Variants in DPYSL4 observed in about 807,000 individuals in gnomAD.
The protein encoded by DPYSL4 is dihydropyrimidinase like 4.
DPYSL4 carries 43 observed loss-of-function variants against 63.4 expected under a neutral mutation model. The ratio of observed to expected loss-of-function variants is 0.68; its 90% CI spans 0.53 to 0.88. The LOEUF (loss-of-function observed/expected upper bound fraction) is 0.88. Ranked by LOEUF, DPYSL4 falls within the 40% of genes least tolerant of loss-of-function variation. The pLI is 0.00. For missense variants in DPYSL4, 733 were observed against 819.5 expected, an observed-to-expected ratio of 0.89 and a Z score of 1.29; for synonymous variants, 353 against 331.7, an observed-to-expected ratio of 1.06 and a Z score of -0.70.
chr10:132,196,184 G>A (rs1245555488), intron 4 of DPYSL4, among the ~76,000 whole-genome samples: 1 of 152,246 alleles, frequency 6.6e-6, no homozygotes, highest in African/African-American at 2.4e-5. Context: ...AGTGATGGGA[G>A]GTTGGGATCC....
chr10:132,197,437 A>G (rs2061960549), intron 6 of DPYSL4, among the ~76,000 whole-genome samples: 2 of 152,158 alleles, frequency 1.3e-5, no homozygotes, highest in Admixed American at 1.3e-4. Flanking sequence ...TTGGGTTACC[A>G]CCTTCCTTCC....
At position 132,191,516 on chromosome 10, in the gene DPYSL4, A is replaced by G. The variant is rs56851238; in HGVS notation, c.128+681A>G. On this transcript the variant is annotated intron_variant, in intron 2 of 13. Transcript: ENST00000338492. ...TCATGTGGTATCCAGGCAGATGAAC[A>G]TAGTTCCCAGCTCGTGTGTACACGC... Among the ~76,000 whole-genome samples the G allele has an allele frequency of 3.0e-4, 23 of 77,526 alleles. 1 individual carries two copies. The highest frequency in any genetic ancestry group is 4.2e-4 in the Non-Finnish European group (16 of 37,720). The allele number at this position is 77,526 out of a possible 152,430, so 50.9% of individuals were successfully genotyped here. A position where few individuals can be genotyped will look rare whatever the true frequency, so the allele number is the denominator to read the frequency against.
At chr10:132,198,708 C>A in intron 7 of DPYSL4, 143 bp from the exon 8 acceptor site, 2 of 1,311,276 alleles carry the variant, frequency 1.5e-6, no homozygotes, top group Non-Finnish European at 2.1e-6. Context: ...CAGGCCCAGG[C>A]ACTGAGCCCG....
chr10:132,199,155 T>G (rs1190786741), intron 8 of DPYSL4, among the ~76,000 whole-genome samples, 184 bp downstream of exon 8: 1 of 151,860 alleles, frequency 6.6e-6, no homozygotes, highest in Admixed American at 6.6e-5. Flanking sequence ...TGGACCTGAG[T>G]TTCCAGCCTT....
At position 132,198,985 on chromosome 10, in the gene DPYSL4, C is replaced by T; in HGVS notation, c.811+14C>T. ...CCAAGCGCAGAGGTGAGCACCCAGCCCCGCCTCTGATGCCGAGGGGCCATG... is the reference window on the plus strand; with the variant it reads ...CCAAGCGCAGAGGTGAGCACCCAGCTCCGCCTCTGATGCCGAGGGGCCATG... On this transcript the variant is annotated intron_variant, in intron 8 of 13. Transcript: ENST00000338492. 6.2e-7 allele frequency: 1 copy of T among 1,602,716 alleles called. No individual in the cohort carries two copies.
In DPYSL4 at chr10:132,205,185, C is replaced by T. The variant is rs990241769; in HGVS notation, c.*255C>T. On this transcript the variant is annotated 3_prime_UTR_variant, in exon 14 of 14. Transcript: ENST00000338492. ...TGGAGCCACATGGCAGGGACAATGC[C>T]GGCAGCCTGAGCCCAGGCACCCCAG... The T allele has an allele frequency of 1.5e-5, 5 of 332,570 alleles. No homozygotes were observed. The highest frequency in any genetic ancestry group is 4.9e-5 in the Admixed American group (1 of 20,614). The allele number at this position is 332,570 out of a possible 1,614,324, so 20.6% of individuals were successfully genotyped here.
In DPYSL4 at chr10:132,192,857, C is replaced by A; in HGVS notation, c.313+15C>A. 6.3e-7 allele frequency: 1 copy of A among 1,595,776 alleles called. No individual in the cohort carries two copies. Among genetic ancestry groups the A allele is most frequent in the South Asian group, 1.1e-5 (1 of 88,518 alleles). On this transcript the variant is annotated intron_variant, in intron 3 of 13. Transcript: ENST00000338492. ...CACCATGATCTGTGAGTGTCTGGGT[C>A]TCCTCCTCTACAGGGGGCAGCCAGC... is the stretch of plus-strand genomic sequence containing the variant.
In DPYSL4 at chr10:132,196,940, G is replaced by C; in HGVS notation, c.540+18G>C. The stretch of plus-strand genomic sequence containing the variant: ...ACAGCCAGGTAAGGGCAGGCGTGGG[G>C]AACGGAGTGGGCAGGTATATCCCAG... On this transcript the variant is annotated intron_variant, in intron 5 of 13. Coordinates refer to ENST00000338492, the MANE Select transcript of DPYSL4 (RefSeq NM_006426.3). 6.2e-7 allele frequency: 1 copy of C among 1,613,642 alleles called. No homozygotes were observed. Among genetic ancestry groups the C allele is most frequent in the Middle Eastern group, 1.6e-4 (1 of 6,062 alleles).
chr10:132,204,984 C>G lies in DPYSL4; in HGVS notation c.*54C>G. 7.0e-7 allele frequency: 1 copy of G among 1,435,020 alleles called. No homozygotes were observed. The allele number at this position is 1,435,020 out of a possible 1,614,324, so 88.9% of individuals were successfully genotyped here. On this transcript the variant is annotated 3_prime_UTR_variant, in exon 14 of 14. Transcript: ENST00000338492. ...CTGGCCCCACCCGAGGCCGCGGGGGCCCCAGGGCACTCGCCCCCCTCCTTA... is the reference window on the plus strand; with the variant it reads ...CTGGCCCCACCCGAGGCCGCGGGGGGCCCAGGGCACTCGCCCCCCTCCTTA...
At chr10:132,192,495 C>T (rs1165356994) in intron 2 of DPYSL4, 163 bp from the exon 3 acceptor site, 65 of 1,385,898 alleles carry the variant, frequency 4.7e-5, no homozygotes, top group Non-Finnish European at 6.1e-5. Flanking sequence ...TGCTTTGCTC[C>T]CTGGCACTCC....
intron 1 of DPYSL4, among the ~76,000 whole-genome samples, chr10:132,188,805 T>C (rs1212489529): frequency 6.6e-6 from 1 of 152,252 alleles, no homozygotes; most frequent in African/African-American, 2.4e-5. Context: ...ATAGAATTTT[T>C]GAGTCATGAC....
At chr10:132,204,800 T>C in intron 13 of DPYSL4, 39 bp from the exon 14 acceptor site, 1 of 1,558,338 alleles carries the variant, frequency 6.4e-7, no homozygotes, top group Non-Finnish European at 8.7e-7. Flanking sequence ...CCCCTGCCCC[T>C]GCCTCATTCT....
intron 3 of DPYSL4, 38 bp from the exon 4 acceptor site, chr10:132,194,807 A>G: frequency 6.2e-7 from 1 of 1,601,162 alleles, no homozygotes; most frequent in South Asian, 1.1e-5. Flanking sequence ...GGAACCAGGG[A>G]CCAGTGGGGG....
intron 1 of DPYSL4, among the ~76,000 whole-genome samples, chr10:132,187,656 T>C (rs2061822008): frequency 6.6e-6 from 1 of 152,210 alleles, no homozygotes; most frequent in Non-Finnish European, 1.5e-5. Flanking sequence ...CCGGCCGCTC[T>C]GGCCGGAGTC....
At chr10:132,204,020 C>T in intron 13 of DPYSL4, 93 bp downstream of exon 13, 1 of 1,475,238 alleles carries the variant, frequency 6.8e-7, no homozygotes, top group South Asian at 1.3e-5. Context: ...CCCAGAGGGG[C>T]TGCACACGGA....
Position 132,198,477 on chromosome 10 carries a change from C to A in DPYSL4, c.684C>A (p.Pro228=). 1.3e-5 allele frequency: 21 copies of A among 1,601,964 alleles called. No homozygotes were observed. The highest frequency in any genetic ancestry group is 1.8e-5 in the Non-Finnish European group (21 of 1,176,962). The stretch of plus-strand genomic sequence containing the variant: ...CCGAGGGCCACGTGCTCAGCCACCC[C>A]GAGGAGGTAAGATCCCAGGGCACCA... ...TGPEGHVLSH[P]EEVEAEAVYR... Residue 228 remains proline, a synonymous_variant, in exon 7 of 14, where the codon CCC becomes CCA. Coordinates refer to ENST00000338492, the MANE Select transcript of DPYSL4 (RefSeq NM_006426.3).
At position 132,186,951 on chromosome 10, in the gene DPYSL4, G is replaced by T; in HGVS notation, c.-113G>T. The T allele has an allele frequency of 2.2e-6, 1 of 461,238 alleles. No individual in the cohort carries two copies. The allele number at this position is 461,238 out of a possible 1,614,324, so 28.6% of individuals were successfully genotyped here. The stretch of plus-strand genomic sequence containing the variant: ...AGCCGTGCGGCCCCGCGCGCTCGCA[G>T]TCTGTCTCCCGCCGTCCCCACGCAC... On this transcript the variant is annotated 5_prime_UTR_variant, in exon 1 of 14. Transcript: ENST00000338492.
intron 1 of DPYSL4, among the ~76,000 whole-genome samples, chr10:132,187,644 C>T (rs1565035433): frequency 6.6e-6 from 1 of 152,218 alleles, no homozygotes; most frequent in South Asian, 2.1e-4. Flanking sequence ...AGCGATTTAG[C>T]CCCGGCCGCT....
rs146717268 is a variant in DPYSL4 at position 132,202,054 on chromosome 10, G to A, written c.1219G>A (p.Ala407Thr). The change falls in exon 11 of 14, where the codon GCT becomes ACT. Residue 407 changes from alanine (A) to threonine (T), a missense_variant. Physicochemically the swap from Ala to Thr is moderately conservative, Grantham distance 58. Transcript: ENST00000338492. The part of the protein sequence containing the change: ...RKGRVAVGSD[A>T]DLVIWNPKAT... ...GGGGCGAGTGGCTGTGGGCTCTGAC[G>A]CTGACCTGGTCATATGGAACCCCAA... The A allele has an allele frequency of 1.2e-4, 191 of 1,612,968 alleles. No individual in the cohort carries two copies. Among genetic ancestry groups the A allele is most frequent in the Admixed American group, 1.0e-4 (6 of 59,990 alleles).
Sources: allele counts gnomAD v4.1 joint callset (sites outside exome capture counted in the v4.1 genomes callset), GRCh38; gene constraint gnomAD v4.1.1; transcripts MANE v1.5; gene names NCBI Gene and HGNC (gene_info 2026-07-23, HGNC 2026-07-21).